CADPS2: variants seen among roughly 807,000 people sequenced by gnomAD.
The protein encoded by CADPS2 is calcium-dependent secretion activator 2.
A neutral mutation model predicts 172.5 loss-of-function variants in CADPS2; 93 were observed. That is an observed-to-expected ratio of 0.54 (90% CI 0.46 to 0.64). CADPS2 has a LOEUF of 0.64. Ranked by LOEUF, CADPS2 falls within the 30% of genes least tolerant of loss-of-function variation. The pLI, the probability that CADPS2 is intolerant of heterozygous loss-of-function variation, is 0.00. For synonymous variants in CADPS2, 546 were observed against 555.2 expected (o/e 0.98, Z 0.23); for missense variants, 1,420 against 1,565.9 (o/e 0.91, Z 1.57).
intron 1 of CADPS2, among the ~76,000 whole-genome samples, chr7:122,824,484 T>C (rs2140438410): frequency 6.6e-6 from 1 of 152,322 alleles, no homozygotes; most frequent in South Asian, 2.1e-4. Flanking sequence ...TACAGTTTAA[T>C]TTTTTTGAGA....
At chr7:122,328,539 T>C (rs2034349765) in intron 28 of CADPS2, 2 of 151,352 alleles carry the variant, frequency 1.3e-5, no homozygotes, top group African/African-American at 4.9e-5. Flanking sequence ...CTTTATTCTT[T>C]GCCTTGGTCT....
chr7:122,677,642 A>AAAC (rs747639108), intron 2 of CADPS2, among the ~76,000 whole-genome samples: 28 of 152,236 alleles, frequency 1.8e-4, no homozygotes, highest in East Asian at 7.7e-4. Flanking sequence ...TCTTAAAGGT[A>AAAC]AACAACAACA....
chr7:122,853,216 T>G (rs899936556), intron 1 of CADPS2, among the ~76,000 whole-genome samples: 3 of 152,072 alleles, frequency 2.0e-5, no homozygotes, highest in Non-Finnish European at 2.9e-5. Context: ...TAGCAGGAGA[T>G]CAGATAAACG....
chr7:122,469,024 C>T (rs1563421708), intron 14 of CADPS2, among the ~76,000 whole-genome samples: 1 of 152,130 alleles, frequency 6.6e-6, no homozygotes, highest in Non-Finnish European at 1.5e-5. Context: ...ATTTCACATG[C>T]AATATTAAAG....
chr7:122,360,969 A>G lies in CADPS2; in HGVS notation c.3432T>C (p.Tyr1144=), dbSNP rs773884157. ...LEGVLSKLSR[Y]DEGTFFSSIL... ...TGGATGAAAAGAAAGTGCCTTCATC[A>G]TACCTTGACAGCTTAGACAACACGC... Residue 1144 remains tyrosine, a synonymous_variant, in exon 26 of 30, where the codon TAT becomes TAC. Transcript: ENST00000449022. 2 of 1,613,844 alleles carry G rather than the reference A, an allele frequency of 1.2e-6. No homozygotes were observed. The highest frequency in any genetic ancestry group is 1.1e-5 in the South Asian group (1 of 91,060).
intron 1 of CADPS2, among the ~76,000 whole-genome samples, chr7:122,880,095 A>C (rs1343376837): frequency 6.6e-6 from 1 of 152,196 alleles, no homozygotes; most frequent in Admixed American, 6.5e-5. Flanking sequence ...CACTGAGGAA[A>C]CAGTTTGCCC....
At chr7:122,866,867 G>A (rs753741501) in intron 1 of CADPS2, among the ~76,000 whole-genome samples, 1 of 151,970 alleles carries the variant, frequency 6.6e-6, no homozygotes, top group Non-Finnish European at 1.5e-5. Context: ...ATCTTACCAC[G>A]GCCTAAAAAA....
At chr7:122,349,275 C>A (rs377619061) in intron 27 of CADPS2, among the ~76,000 whole-genome samples, 29 of 151,962 alleles carry the variant, frequency 1.9e-4, no homozygotes, top group African/African-American at 6.8e-4. Context: ...ATTTAGAAAT[C>A]TCTTCTAAAT....
Position 122,805,238 on chromosome 7 carries a change from C to A in CADPS2, c.340-68170G>T, listed in dbSNP as rs530784303. Among the ~76,000 whole-genome samples the A allele has an allele frequency of 2.0e-5, 3 of 152,312 alleles. No homozygotes were observed. In the South Asian group the frequency reaches 6.2e-4, roughly 32 times the overall value. Reference sequence around the variant, plus strand: ...GCAGTGGCACTATCTCGGCTCACTGCAACCTCTGCCTCCAGGGTTCAAGTG... The same window carrying A: ...GCAGTGGCACTATCTCGGCTCACTGAAACCTCTGCCTCCAGGGTTCAAGTG... On this transcript the variant is annotated intron_variant, in intron 1 of 29. Coordinates refer to ENST00000449022, the MANE Select transcript of CADPS2 (RefSeq NM_017954.11).
intron 14 of CADPS2, among the ~76,000 whole-genome samples, chr7:122,457,258 C>T (rs888275580): frequency 6.6e-5 from 10 of 152,182 alleles, no homozygotes. Context: ...AGGAAGACTG[C>T]TTAAATATTC....
intron 6 of CADPS2, among the ~76,000 whole-genome samples, chr7:122,614,745 A>G (rs1206055126): frequency 1.3e-5 from 2 of 152,188 alleles, no homozygotes; most frequent in South Asian, 4.1e-4. Context: ...CCCGCTCACT[A>G]AGTATTCCAA....
chr7:122,882,617 CTTT>C (rs35781696), intron 1 of CADPS2, among the ~76,000 whole-genome samples: 4 of 136,852 alleles, frequency 2.9e-5, no homozygotes, highest in Admixed American at 7.3e-5. Flanking sequence ...CCAAGGAACC[CTTT>C]TTTTTTTTTT....
At chr7:122,841,363 G>GA (rs1810438846) in intron 1 of CADPS2, among the ~76,000 whole-genome samples, 1 of 151,670 alleles carries the variant, frequency 6.6e-6, no homozygotes, top group African/African-American at 2.4e-5. Flanking sequence ...AGGAGCCCCA[G>GA]AAAAAAAACT....
chr7:122,616,323 G>T, intron 5 of CADPS2, among the ~76,000 whole-genome samples: 1 of 151,990 alleles, frequency 6.6e-6, no homozygotes, highest in Non-Finnish European at 1.5e-5. Context: ...ATCAGTTACT[G>T]ATCATGTAAT....
At chr7:122,739,816 T>A (rs1049215294) in intron 1 of CADPS2, among the ~76,000 whole-genome samples, 5 of 152,158 alleles carry the variant, frequency 3.3e-5, no homozygotes, top group Non-Finnish European at 7.4e-5. Context: ...AAAAGCTATT[T>A]GCATTATCAA....
At chr7:122,400,760 T>C (rs2045851664) in intron 20 of CADPS2, among the ~76,000 whole-genome samples, 1 of 152,248 alleles carries the variant, frequency 6.6e-6, no homozygotes, top group Non-Finnish European at 1.5e-5. Context: ...CCCTGGTTTA[T>C]GTATATCCAG....
chr7:122,642,335 G>C (rs766779350), intron 3 of CADPS2, among the ~76,000 whole-genome samples: 1 of 150,602 alleles, frequency 6.6e-6, no homozygotes, highest in South Asian at 2.1e-4. Context: ...TATTAGTCTT[G>C]CCTTACAAAT....
In CADPS2 at chr7:122,632,012, AAT is replaced by A. The variant is rs1371936252; in HGVS notation, c.787-2686_787-2685del. On this transcript the variant is annotated intron_variant, in intron 3 of 29. Coordinates refer to ENST00000449022, the MANE Select transcript of CADPS2 (RefSeq NM_017954.11). The stretch of plus-strand genomic sequence containing the variant: ...CAGCTGCATCGACATTGCTGCAAAG[AAT>A]ATGATTTCATTCTTTTTTAGGGTTG... 4.6e-5 allele frequency among the ~76,000 whole-genome samples: 7 copies of A among 152,288 alleles called. No homozygotes were observed. The East Asian group carries it at 1.4e-3, about 29-fold the overall frequency.
chr7:122,875,699 A>C (rs181431827), intron 1 of CADPS2, among the ~76,000 whole-genome samples: 30 of 152,310 alleles, frequency 2.0e-4, no homozygotes, highest in African/African-American at 7.0e-4. Flanking sequence ...AAATATGTAA[A>C]TACTGGTTCA....
Sources: allele counts gnomAD v4.1 joint callset (sites outside exome capture counted in the v4.1 genomes callset), GRCh38; gene constraint gnomAD v4.1.1; transcripts MANE v1.5; gene names NCBI Gene and HGNC (gene_info 2026-07-23, HGNC 2026-07-21).